The following CAMKMT variants were observed in gnomAD, a reference collection of about 807,000 sequenced individuals.
The protein encoded by CAMKMT is calmodulin-lysine N-methyltransferase, also known as CaM KMT.
A neutral mutation model predicts 48.0 loss-of-function variants in CAMKMT; 53 were observed. The observed-to-expected ratio is 1.10, with a 90% CI of 0.89 to 1.39. The LOEUF (loss-of-function observed/expected upper bound fraction) is 1.39, where lower values mean the gene tolerates loss of function less well. CAMKMT is among the 40% of genes most tolerant of loss of function. The probability of loss-of-function intolerance (pLI) is 0.00; values close to 1 mark genes in which losing one functional copy is unlikely to be tolerated. For synonymous variants in CAMKMT, 165 were observed against 152.3 expected, an observed-to-expected ratio of 1.08 and a Z score of -0.61; for missense variants, 428 against 402.7, an observed-to-expected ratio of 1.06 and a Z score of -0.54.
chr2:44,608,923 A>G (rs1671449018), intron 3 of CAMKMT, among the ~76,000 whole-genome samples: 1 of 152,184 alleles, frequency 6.6e-6, no homozygotes, highest in East Asian at 1.9e-4. Flanking sequence ...TCCAGTTTTT[A>G]CTTTGAATGT....
chr2:44,475,755 A>G (rs1231948744), intron 3 of CAMKMT, among the ~76,000 whole-genome samples: 1 of 152,214 alleles, frequency 6.6e-6, no homozygotes, highest in Non-Finnish European at 1.5e-5. Flanking sequence ...TTTAAAAAAG[A>G]AATCTTATGC....
intron 3 of CAMKMT, among the ~76,000 whole-genome samples, chr2:44,616,193 G>C (rs1014163784): frequency 1.4e-4 from 21 of 152,146 alleles, no homozygotes; most frequent in Admixed American, 1.3e-4. Flanking sequence ...CCGGTGCCCT[G>C]CTTTCATTCT....
intron 3 of CAMKMT, among the ~76,000 whole-genome samples, chr2:44,391,664 G>C (rs1299734480): frequency 1.3e-5 from 2 of 152,076 alleles, no homozygotes; most frequent in African/African-American, 4.8e-5. Flanking sequence ...ATTGTTCCCA[G>C]TTGGCTCCGT....
At chr2:44,673,478 G>GAAGGAAGC (rs1675465930) in intron 3 of CAMKMT, among the ~76,000 whole-genome samples, 5 of 111,400 alleles carry the variant, frequency 4.5e-5, no homozygotes, top group African/African-American at 1.8e-4. Context: ...AGAGAGGAAG[G>GAAGGAAGC]AAGGAAGGAA....
rs143503494 is a variant in CAMKMT at position 44,715,350 on chromosome 2, G to C, written c.620G>C (p.Ser207Thr). 27 of 1,611,280 alleles carry C rather than the reference G, an allele frequency of 1.7e-5. No individual in the cohort carries two copies. In the African/African-American group the frequency reaches 2.5e-4, roughly 15 times the overall value. Residue 207 changes from serine (S) to threonine (T), a missense_variant, in exon 7 of 11, where the codon AGC becomes ACC. Coordinates refer to ENST00000378494, the MANE Select transcript of CAMKMT (RefSeq NM_024766.5). ...GTGTTTAAGACCCAGAAAATATCAA[G>C]CTGGTAAGATACCTTTCTGCATTAA... is the stretch of plus-strand genomic sequence containing the variant. ...AGVFKTQKIS[S>T]CVLRWDNETD...
intron 3 of CAMKMT, among the ~76,000 whole-genome samples, chr2:44,698,868 A>G (rs1183776553): frequency 6.6e-6 from 1 of 152,236 alleles, no homozygotes; most frequent in Non-Finnish European, 1.5e-5. Context: ...CCACTGCTTT[A>G]TCAACTCAGT....
chr2:44,421,017 A>G (rs1242133083), intron 3 of CAMKMT, among the ~76,000 whole-genome samples: 1 of 152,152 alleles, frequency 6.6e-6, no homozygotes, highest in African/African-American at 2.4e-5. Flanking sequence ...TATCTGCTAT[A>G]TATTTCCTTT....
chr2:44,506,536 A>T (rs982986448), intron 3 of CAMKMT, among the ~76,000 whole-genome samples: 2 of 152,066 alleles, frequency 1.3e-5, no homozygotes, highest in South Asian at 2.1e-4. Context: ...TTCTTTGTTT[A>T]TATTTTGGGA....
intron 3 of CAMKMT, among the ~76,000 whole-genome samples, chr2:44,531,514 A>C (rs1296916266): frequency 6.6e-6 from 1 of 152,164 alleles, no homozygotes; most frequent in Non-Finnish European, 1.5e-5. Context: ...AATGAGAAGG[A>C]CAGCTGACAT....
At chr2:44,573,591 T>G (rs1010953255) in intron 3 of CAMKMT, among the ~76,000 whole-genome samples, 3 of 152,108 alleles carry the variant, frequency 2.0e-5, no homozygotes, top group Non-Finnish European at 4.4e-5. Context: ...CATTTTGTAG[T>G]TTCCTTTAAG....
chr2:44,362,127 G>A lies in CAMKMT; in HGVS notation c.120G>A (p.Arg40=). 6.8e-7 allele frequency: 1 copy of A among 1,477,980 alleles called. No individual in the cohort carries two copies. Among genetic ancestry groups the A allele is most frequent in the Non-Finnish European group, 8.9e-7 (1 of 1,125,432 alleles). The allele number at this position is 1,477,980 out of a possible 1,614,324, so 91.6% of individuals were successfully genotyped here. The change falls in exon 1 of 11, where the codon CGG becomes CGA. Residue 40 remains arginine (R), a synonymous_variant. Transcript: ENST00000378494. ...TCTCGGCGCCCCTGGGAGCCGCCCGGTGGAAGCTCCTGCGGCAGGTAAGGG... is the reference window on the plus strand; with the variant it reads ...TCTCGGCGCCCCTGGGAGCCGCCCGATGGAAGCTCCTGCGGCAGGTAAGGG... ...PVVSAPLGAA[R]WKLLRQVLKQ...
At chr2:44,703,148 T>C (rs1187068453) in intron 3 of CAMKMT, among the ~76,000 whole-genome samples, 2 of 152,184 alleles carry the variant, frequency 1.3e-5, no homozygotes, top group Non-Finnish European at 2.9e-5. Context: ...GGTTATAGTT[T>C]ATTCTAATTA....
rs371665834 is a variant in CAMKMT at position 44,431,522 on chromosome 2, A to G, written c.376+41217A>G. The stretch of plus-strand genomic sequence containing the variant: ...CCTTTTTTACTGTAGAGGTAACATC[A>G]GTGACATTTTCATTAGTGCAATAGA... On this transcript the variant is annotated intron_variant, in intron 3 of 10. Transcript: ENST00000378494. Among the ~76,000 whole-genome samples the G allele has an allele frequency of 1.2e-4, 19 of 152,206 alleles. No individual in the cohort carries two copies. The East Asian group carries it at 2.1e-3, about 17-fold the overall frequency.
chr2:44,449,275 G>A (rs1347888083), intron 3 of CAMKMT, among the ~76,000 whole-genome samples: 1 of 152,082 alleles, frequency 6.6e-6, no homozygotes, highest in Non-Finnish European at 1.5e-5. Context: ...AAAAAATTGG[G>A]ACAGTTTTAT....
At chr2:44,719,811 T>C (rs1192052243) in intron 7 of CAMKMT, among the ~76,000 whole-genome samples, 1 of 152,196 alleles carries the variant, frequency 6.6e-6, no homozygotes, top group Non-Finnish European at 1.5e-5. Context: ...CATTTATCTG[T>C]TCTTTGTCAG....
In CAMKMT at chr2:44,405,015, C is replaced by T. The variant is rs543877193; in HGVS notation, c.376+14710C>T. On this transcript the variant is annotated intron_variant, in intron 3 of 10. Transcript: ENST00000378494. ...ACGAAAATGCGTTGTGTTTAAATTT[C>T]TTAGACAAGGGGAAAAGGGAGCATT... is the stretch of plus-strand genomic sequence containing the variant. 2.0e-5 allele frequency among the ~76,000 whole-genome samples: 3 copies of T among 152,018 alleles called. No homozygotes were observed. The South Asian group carries it at 6.2e-4, about 32-fold the overall frequency.
intron 9 of CAMKMT, among the ~76,000 whole-genome samples, chr2:44,760,597 C>A (rs911712860): frequency 2.3e-5 from 3 of 130,000 alleles, no homozygotes; most frequent in Non-Finnish European, 4.7e-5. Context: ...GGCAACAGAG[C>A]GAGATTCCAT....
At chr2:44,504,564 A>G (rs959140832) in intron 3 of CAMKMT, among the ~76,000 whole-genome samples, 8 of 152,084 alleles carry the variant, frequency 5.3e-5, no homozygotes, top group Admixed American at 2.0e-4. Flanking sequence ...TCAATTTCCT[A>G]TGCCTCTTAC....
intron 5 of CAMKMT, 42 bp from the exon 6 acceptor site, chr2:44,707,357 C>A (rs1023361063): frequency 2.1e-5 from 33 of 1,575,046 alleles, no homozygotes; most frequent in Non-Finnish European, 2.8e-5. Flanking sequence ...CACAGACAAG[C>A]ATATTTGCTC....
Sources: allele counts gnomAD v4.1 joint callset (sites outside exome capture counted in the v4.1 genomes callset), GRCh38; gene constraint gnomAD v4.1.1; transcripts MANE v1.5; gene names NCBI Gene and HGNC (gene_info 2026-07-23, HGNC 2026-07-21).